PRKDC: variants seen among roughly 807,000 people sequenced by gnomAD.
The protein encoded by PRKDC is DNA-dependent protein kinase catalytic subunit.
PRKDC carries 82 observed loss-of-function variants against 486.9 expected under a neutral mutation model. The observed-to-expected ratio is 0.17, with a 90% confidence interval of 0.14 to 0.20. The LOEUF (loss-of-function observed/expected upper bound fraction) is 0.20. Ranked by LOEUF, PRKDC falls within the 10% of genes least tolerant of loss-of-function variation. The pLI, the probability that PRKDC is intolerant of heterozygous loss-of-function variation, is 1.00. For synonymous variants in PRKDC, 1,895 were observed against 1,837.0 expected (o/e 1.03, Z -0.81); for missense variants, 4,504 against 5,038.2 (o/e 0.89, Z 3.21).
intron 25 of PRKDC, among the ~76,000 whole-genome samples, chr8:47,906,691 C>T (rs1009610567): frequency 5.3e-5 from 8 of 151,176 alleles, no homozygotes; most frequent in East Asian, 1.9e-4. Flanking sequence ...ATATCCTGTA[C>T]ATTTCTGCCT....
intron 21 of PRKDC, among the ~76,000 whole-genome samples, chr8:47,924,929 G>A (rs1440816728): frequency 1.3e-5 from 2 of 152,162 alleles, no homozygotes; most frequent in African/African-American, 4.8e-5. Flanking sequence ...ATGAATTTAT[G>A]TATTTGTTCA....
intron 3 of PRKDC, 141 bp from the exon 4 acceptor site, chr8:47,956,089 A>G (rs2090695654): frequency 3.0e-6 from 2 of 664,788 alleles, no homozygotes; most frequent in South Asian, 2.0e-5. Context: ...TAGGCCGGGC[A>G]TAGTGGCTCA....
chr8:47,836,554 A>G (rs2088029158), intron 57 of PRKDC, 27 bp from the exon 58 acceptor site: 1 of 1,536,204 alleles, frequency 6.5e-7, no homozygotes, highest in East Asian at 2.4e-5. Flanking sequence ...TTCAAATGAA[A>G]TAAAGTTTCA....
intron 76 of PRKDC, among the ~76,000 whole-genome samples, chr8:47,787,995 C>T (rs1046638172): frequency 2.6e-5 from 4 of 152,166 alleles, no homozygotes; most frequent in African/African-American, 9.7e-5. Context: ...TAAAGCTCTT[C>T]CTTTGCCCTA....
intron 52 of PRKDC, among the ~76,000 whole-genome samples, chr8:47,850,126 AG>A (rs2088368428): frequency 1.3e-5 from 2 of 152,194 alleles, no homozygotes. Flanking sequence ...CCCTAGAACC[AG>A]GAAGTCCTCA....
chr8:47,816,272 C>A (rs1418226139), intron 68 of PRKDC, among the ~76,000 whole-genome samples: 1 of 152,066 alleles, frequency 6.6e-6, no homozygotes, highest in Non-Finnish European at 1.5e-5. Flanking sequence ...GATTTGCTAG[C>A]CTGAGAAGTA....
intron 39 of PRKDC, among the ~76,000 whole-genome samples, chr8:47,878,836 C>T (rs2089144575): frequency 6.6e-6 from 1 of 152,012 alleles, no homozygotes; most frequent in Non-Finnish European, 1.5e-5. Flanking sequence ...GACTCTGTCT[C>T]AAAACAAAAG....
rs552157329 is a variant in PRKDC, at chr8:47,883,217, T to C, written c.4777-1120A>G. Among the ~76,000 whole-genome samples the C allele has an allele frequency of 5.3e-5, 8 of 152,362 alleles. No homozygotes were observed. The East Asian group carries it at 1.3e-3, about 26-fold the overall frequency. On this transcript the variant is annotated intron_variant, in intron 36 of 85. Coordinates refer to ENST00000314191, the MANE Select transcript of PRKDC (RefSeq NM_006904.7). ...AACTCTAGGCTGAAGATTTCTCTTA[T>C]GAACTATGGAAGAAATCTGGTTCAA... is the stretch of plus-strand genomic sequence containing the variant.
In PRKDC at chr8:47,837,271, T is replaced by C. The variant is rs1246591267; in HGVS notation, c.7702A>G (p.Met2568Val). ...ATGGGGTTTGGATAATCTGGGCTCA[T>C]GCTGGTCATTTCGAGCAGAAAATTT... Reference protein sequence around the residue: ...ATNFLLEMTSMSPDYPNPMFE... With the variant: ...ATNFLLEMTSVSPDYPNPMFE... Residue 2568 changes from methionine (M) to valine (V), a missense_variant, in exon 57 of 86, where the codon ATG becomes GTG. Physicochemically the swap from Met to Val is conservative, Grantham distance 21. Transcript: ENST00000314191. The C allele has an allele frequency of 2.5e-6, 4 of 1,613,920 alleles. No homozygotes were observed. In the Admixed American group the frequency reaches 5.0e-5, roughly 20 times the overall value.
At chr8:47,943,608 C>T (rs962220135) in intron 9 of PRKDC, among the ~76,000 whole-genome samples, 7 of 152,212 alleles carry the variant, frequency 4.6e-5, no homozygotes, top group African/African-American at 1.7e-4. Flanking sequence ...GAGGCAAAGT[C>T]AGAATCAAAC....
intron 4 of PRKDC, among the ~76,000 whole-genome samples, chr8:47,955,652 T>C (rs552742538): frequency 6.6e-6 from 1 of 152,162 alleles, no homozygotes; most frequent in South Asian, 2.1e-4. Flanking sequence ...TTCATTCTCC[T>C]CACAACTCAG....
chr8:47,831,240 C>T (rs1216474073), intron 60 of PRKDC, among the ~76,000 whole-genome samples: 1 of 152,222 alleles, frequency 6.6e-6, no homozygotes, highest in East Asian at 1.9e-4. Context: ...GCCGGCACAG[C>T]GCCCCACTTC....
chr8:47,919,256 T>C (rs977214747), intron 21 of PRKDC, among the ~76,000 whole-genome samples: 5 of 152,228 alleles, frequency 3.3e-5, no homozygotes, highest in Non-Finnish European at 7.3e-5. Context: ...ACTGAAGCTG[T>C]TCTTCAGTAT....
chr8:47,933,959 T>C lies in PRKDC; in HGVS notation c.1623+6A>G, dbSNP rs1231202. The C allele has an allele frequency of 0.95, 1,534,224 of 1,607,496 alleles. 732,409 individuals carry two copies. The highest frequency in any genetic ancestry group is 1 in the East Asian group (44,787 of 44,796). On this transcript the variant is annotated splice_donor_region_variant and intron_variant, in intron 15 of 85. Coordinates refer to ENST00000314191, the MANE Select transcript of PRKDC (RefSeq NM_006904.7). ...TACATTTATGGCTTTCAATGGTAAA[T>C]GTTACCATCATCTGGTCAGAGCTCA...
At chr8:47,948,791 A>G (rs573894574) in intron 7 of PRKDC, among the ~76,000 whole-genome samples, 123 of 152,268 alleles carry the variant, frequency 8.1e-4, no homozygotes, top group African/African-American at 2.9e-3. Context: ...GTACCCATGA[A>G]TTAGTATTTA....
At chr8:47,945,691 T>C (rs1162410102) in intron 7 of PRKDC, among the ~76,000 whole-genome samples, 1 of 152,210 alleles carries the variant, frequency 6.6e-6, no homozygotes, top group East Asian at 1.9e-4. Flanking sequence ...TGGCTCACTA[T>C]GGACTTGCTG....
chr8:47,947,063 C>T (rs2090545212), intron 7 of PRKDC, among the ~76,000 whole-genome samples: 8 of 152,156 alleles, frequency 5.3e-5, no homozygotes, highest in Admixed American at 4.6e-4. Flanking sequence ...CACCCTGGCC[C>T]ACTTTGTGTA....
At position 47,927,251 on chromosome 8, in the gene PRKDC, A is replaced by G; in HGVS notation, c.2362T>C (p.Tyr788His). ...AGGCAGGGGAGAATGTCTTTGTAATAAGGCTGCATTACATGTCTGTCAATA... is the reference window on the plus strand; with the variant it reads ...AGGCAGGGGAGAATGTCTTTGTAATGAGGCTGCATTACATGTCTGTCAATA... ...IYIDRHVMQP[Y>H]YKDILPCLDG... The change falls in exon 21 of 86, where the codon TAT (tyrosine) becomes CAT (histidine). Residue 788 changes from tyrosine (Y) to histidine (H), a missense_variant. Physicochemically the swap from Tyr to His is moderately conservative, Grantham distance 83. This residue lies in a region of PRKDC where 1,969 missense variants were observed against 2,068.9 expected (regional missense o/e 0.95). Coordinates refer to ENST00000314191, the MANE Select transcript of PRKDC (RefSeq NM_006904.7). The G allele has an allele frequency of 1.9e-6, 3 of 1,613,760 alleles. No individual in the cohort carries two copies. Among genetic ancestry groups the G allele is most frequent in the Non-Finnish European group, 2.5e-6 (3 of 1,179,694 alleles).
intron 62 of PRKDC, among the ~76,000 whole-genome samples, chr8:47,827,177 A>G (rs1261933915): frequency 1.3e-5 from 2 of 151,530 alleles, no homozygotes; most frequent in African/African-American, 2.4e-5. Context: ...TAAATTAGAA[A>G]CCAATAAAAA....
Sources: gnomAD v4.1 joint callset for allele counts (sites outside exome capture counted in the v4.1 genomes callset) on GRCh38, gnomAD v4.1.1 for gene constraint, gnomAD v4.1.1 regional missense constraint, MANE v1.5 for transcripts, NCBI Gene and HGNC (gene_info 2026-07-23, HGNC 2026-07-21) for gene names.